The following GK variants were observed in gnomAD, a reference collection of about 807,000 sequenced individuals.
GK encodes the protein ATP:glycerol 3-phosphotransferase.
In GK, 9 loss-of-function variants were observed where a neutral mutation model predicts 56.4. That is an observed-to-expected ratio of 0.16 (90% CI 0.10 to 0.28). The LOEUF (loss-of-function observed/expected upper bound fraction) is 0.28. Ranked by LOEUF, GK falls within the 10% of genes least tolerant of loss-of-function variation. GK has a pLI of 1.00. For missense variants in GK, 161 were observed against 431.4 expected, an observed-to-expected ratio of 0.37 and a Z score of 5.55; for synonymous variants, 104 against 144.1, an observed-to-expected ratio of 0.72 and a Z score of 1.99.
chrX:30,728,422 G>C (rs1411815959), intron 20 of GK, among the ~76,000 whole-genome samples: 1 of 111,746 alleles, frequency 8.9e-6, no homozygotes, highest in Non-Finnish European at 1.9e-5. Context: ...TAAGCTAAAA[G>C]ATGGGCTATG....
intron 20 of GK, 104 bp downstream of exon 20, chrX:30,727,656 G>A: frequency 1.8e-6 from 1 of 551,120 alleles, no homozygotes; most frequent in Non-Finnish European, 3.1e-6. Flanking sequence ...CTGTGTCTAG[G>A]AAGCTGGAAA....
At chrX:30,695,713 G>A (rs1355338668) in intron 6 of GK, among the ~76,000 whole-genome samples, 3 of 112,246 alleles carry the variant, frequency 2.7e-5, no homozygotes, top group Admixed American at 9.4e-5. Flanking sequence ...TCATCTCGCC[G>A]AATTTAATAA....
intron 9 of GK, among the ~76,000 whole-genome samples, chrX:30,698,039 A>T (rs1935332652): frequency 9.0e-6 from 1 of 111,725 alleles, no homozygotes; most frequent in Non-Finnish European, 1.9e-5. Context: ...GCTTTACCAT[A>T]ATAGGGCAAT....
intron 1 of GK, among the ~76,000 whole-genome samples, chrX:30,663,846 T>C (rs1932861672): frequency 9.6e-6 from 1 of 104,647 alleles, no homozygotes; most frequent in African/African-American, 3.5e-5. Flanking sequence ...AAAATATGCA[T>C]CTTACTCTGT....
intron 11 of GK, among the ~76,000 whole-genome samples, chrX:30,707,053 G>A (rs1936047206): frequency 8.9e-6 from 1 of 111,959 alleles, no homozygotes; most frequent in South Asian, 3.7e-4. Flanking sequence ...CAATGGCCAG[G>A]CACAGTGGCT....
At chrX:30,684,666 CAAAAAAAAAAAAAAAAA>C (rs60771873) in intron 4 of GK, among the ~76,000 whole-genome samples, 2 of 32,404 alleles carry the variant, frequency 6.2e-5, no homozygotes, top group African/African-American at 1.3e-4. Context: ...AACTCCATCT[CAAAAAAAAAAAAAAAAA>C]AAAAAAAAAA....
At chrX:30,686,166 C>T (rs984474282) in intron 4 of GK, among the ~76,000 whole-genome samples, 2 of 112,726 alleles carry the variant, frequency 1.8e-5, no homozygotes, top group Non-Finnish European at 3.7e-5. Flanking sequence ...TCAATCTTTC[C>T]TTCCCAACTC....
At chrX:30,666,921 G>A (rs751746273) in intron 2 of GK, among the ~76,000 whole-genome samples, 5 of 111,367 alleles carry the variant, frequency 4.5e-5, no homozygotes, top group African/African-American at 1.3e-4. Flanking sequence ...TTGGGAGGCC[G>A]AGGCAGGCGG....
chrX:30,664,010 TTA>T (rs1199963040), intron 1 of GK, among the ~76,000 whole-genome samples: 36 of 93,242 alleles, frequency 3.9e-4, no homozygotes, highest in African/African-American at 1.3e-3. Context: ...GATATATATT[TTA>T]TATATATCTA....
At chrX:30,689,602 A>C (rs1468261158) in intron 4 of GK, 1 of 329,899 alleles carries the variant, frequency 3.0e-6, no homozygotes, top group South Asian at 2.6e-5. Context: ...TCATGAGGGC[A>C]GCAGGCCCAA....
At chrX:30,687,374 C>T (rs748089556) in intron 4 of GK, 27 of 262,078 alleles carry the variant, frequency 1.0e-4, no homozygotes, top group Non-Finnish European at 1.9e-4. Context: ...CCTTTCTGCT[C>T]CCTGCCTCTT....
chrX:30,682,729 C>T (rs939793079), intron 4 of GK, among the ~76,000 whole-genome samples: 4 of 111,629 alleles, frequency 3.6e-5, no homozygotes, highest in Non-Finnish European at 5.7e-5. Context: ...TTCTCTGTCT[C>T]GGTTCAGGCT....
At chrX:30,677,884 T>A (rs1313453941) in intron 4 of GK, 3 of 476,878 alleles carry the variant, frequency 6.3e-6, no homozygotes, top group Non-Finnish European at 1.1e-5. Context: ...ATAATCTTGA[T>A]GGGATGGGCA....
intron 3 of GK, among the ~76,000 whole-genome samples, chrX:30,677,007 A>T (rs929024802): frequency 8.9e-6 from 1 of 111,775 alleles, no homozygotes; most frequent in Non-Finnish European, 1.9e-5. Flanking sequence ...GCAATTGGTA[A>T]ACAAATGAAT....
chrX:30,672,159 CAAAAAAAAAAAAAAA>C (rs66675920), intron 3 of GK: 3 of 21,172 alleles, frequency 1.4e-4, no homozygotes, highest in Non-Finnish European at 1.5e-4. Flanking sequence ...AACTCCATCT[CAAAAAAAAAAAAAAA>C]AAAAAAAAAA....
intron 20 of GK, 66 bp downstream of exon 20, chrX:30,727,618 A>G (rs1193877852): frequency 1.4e-6 from 1 of 711,333 alleles, no homozygotes; most frequent in Non-Finnish European, 2.2e-6. Flanking sequence ...ATAACTTAGC[A>G]GAAATTTTTC....
At chrX:30,723,764 A>T (rs1601955605) in intron 18 of GK, 1 of 243,343 alleles carries the variant, frequency 4.1e-6, no homozygotes, top group Non-Finnish European at 7.6e-6. Context: ...CTGGTACTAC[A>T]GGCAGGGTTT....
At chrX:30,720,429 A>G (rs1311532571) in intron 16 of GK, among the ~76,000 whole-genome samples, 192 bp from the exon 17 acceptor site, 1 of 111,524 alleles carries the variant, frequency 9.0e-6, no homozygotes, top group Non-Finnish European at 1.9e-5. Context: ...ATCAAGGTGA[A>G]TGCAGAGGTG....
intron 13 of GK, among the ~76,000 whole-genome samples, chrX:30,709,126 C>T (rs1936185470): frequency 8.9e-6 from 1 of 112,360 alleles, no homozygotes; most frequent in African/African-American, 3.2e-5. Flanking sequence ...TCTCTACTTT[C>T]CCTCTGTGGA....
Sources: allele counts gnomAD v4.1 joint callset (sites outside exome capture counted in the v4.1 genomes callset), GRCh38; gene constraint gnomAD v4.1.1; transcripts MANE v1.5; gene names NCBI Gene and HGNC (gene_info 2026-07-23, HGNC 2026-07-21).